The following HSF5 variants were observed in gnomAD, a reference collection of about 807,000 sequenced individuals.
HSF5 encodes the protein heat shock transcription factor 5, also known as heat shock factor protein 5.
Under a neutral mutation model 50.8 loss-of-function variants are expected in HSF5, and 5 were observed. The ratio of observed to expected loss-of-function variants is 0.10; its 90% CI spans 0.05 to 0.21. The LOEUF (loss-of-function observed/expected upper bound fraction) is 0.21, where lower values mean the gene tolerates loss of function less well. HSF5 is among the 10% of genes least tolerant of loss of function. The pLI is 1.00. For missense variants in HSF5, 564 were observed against 762.6 expected (o/e 0.74, Z 3.07); for synonymous variants, 307 against 307.4 (o/e 1.00, Z 0.02).
In HSF5 at chr17:58,462,983, T is replaced by C; in HGVS notation, c.1341A>G (p.Glu447=). ...SDIMSFVVGT[E]QAVACSLPQS... is the part of the protein sequence containing the mutation. ...GTGGTAGAGAGCAGGCAACTGCTTG[T>C]TCTGTTCCAACCACAAAAGACATAA... The change falls in exon 4 of 6, where the codon GAA becomes GAG. Residue 447 remains glutamate (E), a synonymous_variant. Coordinates refer to ENST00000323777, the MANE Select transcript of HSF5 (RefSeq NM_001080439.3). 1 of 1,614,202 alleles carries C rather than the reference T, an allele frequency of 6.2e-7. No homozygotes were observed. The highest frequency in any genetic ancestry group is 8.5e-7 in the Non-Finnish European group (1 of 1,180,008).
intron 5 of HSF5, among the ~76,000 whole-genome samples, chr17:58,456,139 G>A (rs1010952495): frequency 4.3e-5 from 6 of 141,038 alleles, no homozygotes; most frequent in African/African-American, 1.6e-4. Context: ...ATGTGTGTGT[G>A]TATATATATA....
intron 3 of HSF5, among the ~76,000 whole-genome samples, chr17:58,466,481 T>A (rs978167500): frequency 6.6e-6 from 1 of 152,230 alleles, no homozygotes; most frequent in East Asian, 1.9e-4. Context: ...TCAGTACCCA[T>A]AAGCCATATG....
chr17:58,479,394 C>T (rs939805572), intron 2 of HSF5, among the ~76,000 whole-genome samples: 2 of 152,178 alleles, frequency 1.3e-5, no homozygotes, highest in South Asian at 4.2e-4. Context: ...CCTCTGCCTC[C>T]GAGGTTCAAG....
chr17:58,478,889 AAAAG>A (rs1975062068), intron 2 of HSF5, among the ~76,000 whole-genome samples: 1 of 151,444 alleles, frequency 6.6e-6, no homozygotes, highest in Non-Finnish European at 1.5e-5. Context: ...AAAAGAGAAG[AAAAG>A]AAAAGAAGAA....
At chr17:58,468,934 T>C (rs967587613) in intron 2 of HSF5, among the ~76,000 whole-genome samples, 3 of 152,162 alleles carry the variant, frequency 2.0e-5, no homozygotes, top group Non-Finnish European at 2.9e-5. Context: ...GAACAGTTCT[T>C]AGATTTGATC....
intron 5 of HSF5, among the ~76,000 whole-genome samples, chr17:58,453,047 C>T (rs1025307613): frequency 1.3e-5 from 2 of 151,920 alleles, no homozygotes; most frequent in Non-Finnish European, 2.9e-5. Flanking sequence ...AACAAACAAA[C>T]AAAAAGTCTC....
Position 58,479,984 on chromosome 17 carries a change from A to T in HSF5, c.834T>A (p.Val278=). ...TLQPSTTSVH[V]QQGPQTMVSS... ...TGACCATTGTTTGAGGACCTTGTTGAACATGTACAGATGTGGTGCTGGGCT... is the reference window on the plus strand; with the variant it reads ...TGACCATTGTTTGAGGACCTTGTTGTACATGTACAGATGTGGTGCTGGGCT... Residue 278 remains valine, a synonymous_variant, in exon 2 of 6, where the codon GTT becomes GTA. Transcript: ENST00000323777. 6.2e-7 allele frequency: 1 copy of T among 1,614,140 alleles called. No homozygotes were observed. Among genetic ancestry groups the T allele is most frequent in the Non-Finnish European group, 8.5e-7 (1 of 1,180,016 alleles).
intron 1 of HSF5, among the ~76,000 whole-genome samples, chr17:58,485,470 G>A (rs577418623): frequency 2.0e-5 from 3 of 151,748 alleles, no homozygotes; most frequent in Non-Finnish European, 2.9e-5. Context: ...CAGGCCTGGC[G>A]CAGTGGTGGC....
intron 5 of HSF5, among the ~76,000 whole-genome samples, chr17:58,451,456 C>A (rs1974640838): frequency 6.6e-6 from 1 of 152,128 alleles, no homozygotes; most frequent in African/African-American, 2.4e-5. Context: ...GAAGTCTTAA[C>A]AATTTTTTTT....
At chr17:58,453,955 A>G (rs1391940821) in intron 5 of HSF5, among the ~76,000 whole-genome samples, 4 of 152,048 alleles carry the variant, frequency 2.6e-5, no homozygotes, top group Non-Finnish European at 5.9e-5. Context: ...TTAGCCAGGC[A>G]TGGTGGCACG....
At chr17:58,456,727 TAA>T (rs1974717529) in intron 5 of HSF5, among the ~76,000 whole-genome samples, 1 of 152,210 alleles carries the variant, frequency 6.6e-6, no homozygotes, top group Non-Finnish European at 1.5e-5. Context: ...GTTAAAATGA[TAA>T]ATTTTATGTT....
At chr17:58,468,676 A>C (rs1974904914) in intron 2 of HSF5, among the ~76,000 whole-genome samples, 1 of 152,186 alleles carries the variant, frequency 6.6e-6, no homozygotes, top group Non-Finnish European at 1.5e-5. Flanking sequence ...GATTCTTGAA[A>C]CATCAGAAGT....
chr17:58,480,812 G>A (rs145943344), intron 1 of HSF5, among the ~76,000 whole-genome samples: 163 of 99,092 alleles, frequency 1.6e-3, no homozygotes, highest in African/African-American at 5.2e-3. Flanking sequence ...TCTAGCAACC[G>A]GGTCTCACTC....
At chr17:58,444,888 C>CA (rs1974539443) in intron 5 of HSF5, among the ~76,000 whole-genome samples, 1 of 151,710 alleles carries the variant, frequency 6.6e-6, no homozygotes, top group South Asian at 2.1e-4. Flanking sequence ...TGAACAACAC[C>CA]AAAAAATCAA....
At chr17:58,430,927 A>G (rs1974356467) in intron 5 of HSF5, among the ~76,000 whole-genome samples, 1 of 152,224 alleles carries the variant, frequency 6.6e-6, no homozygotes, top group South Asian at 2.1e-4. Context: ...GGTATAGCCT[A>G]CTACATACTG....
intron 5 of HSF5, among the ~76,000 whole-genome samples, chr17:58,430,046 T>C (rs374845926): frequency 3.9e-5 from 6 of 152,146 alleles, no homozygotes; most frequent in African/African-American, 1.4e-4. Context: ...AGCATTATCT[T>C]TGTTTTTTTT....
chr17:58,439,014 T>C (rs985389780), intron 5 of HSF5, among the ~76,000 whole-genome samples: 10 of 151,686 alleles, frequency 6.6e-5, no homozygotes, highest in African/African-American at 9.7e-5. Context: ...AGCTACTTCT[T>C]TGGGGGGTTG....
intron 4 of HSF5, among the ~76,000 whole-genome samples, chr17:58,459,848 C>T (rs181024395): frequency 7.9e-5 from 12 of 152,004 alleles, no homozygotes; most frequent in Non-Finnish European, 4.4e-5. Flanking sequence ...AGAATATGTT[C>T]TATCAGACTT....
At position 58,421,275 on chromosome 17, in the gene HSF5, G is replaced by A. The variant is rs1949244869; in HGVS notation, c.*1085C>T. The A allele has an allele frequency of 6.6e-6, 1 of 152,570 alleles. No homozygotes were observed. Among genetic ancestry groups the A allele is most frequent in the Non-Finnish European group, 1.5e-5 (1 of 68,020 alleles). The allele number at this position is 152,570 out of a possible 1,614,324, so 9.5% of individuals were successfully genotyped here. The stretch of plus-strand genomic sequence containing the variant: ...TATCCCATTATCCAAAATTCTCTCA[G>A]AAGCTTAAACCAGATTGAAACCATT... On this transcript the variant is annotated 3_prime_UTR_variant, in exon 6 of 6. Coordinates refer to ENST00000323777, the MANE Select transcript of HSF5 (RefSeq NM_001080439.3).
Sources: gnomAD v4.1 joint callset for allele counts (sites outside exome capture counted in the v4.1 genomes callset) on GRCh38, gnomAD v4.1.1 for gene constraint, MANE v1.5 for transcripts, NCBI Gene and HGNC (gene_info 2026-07-23, HGNC 2026-07-21) for gene names.